Variants in SIX4 observed in about 807,000 individuals in gnomAD.
The protein encoded by SIX4 is SIX homeobox 4, also known as homeobox protein SIX4.
A neutral mutation model predicts 51.5 loss-of-function variants in SIX4; 23 were observed. That is an observed-to-expected ratio of 0.45 (90% CI 0.32 to 0.63). SIX4 has a LOEUF of 0.63. Among genes scored for constraint, SIX4 ranks in the 30% least tolerant of loss-of-function variants. SIX4 has a pLI of 0.04. For missense variants in SIX4, 867 were observed against 984.0 expected, an observed-to-expected ratio of 0.88 and a Z score of 1.59; for synonymous variants, 413 against 417.3, an observed-to-expected ratio of 0.99 and a Z score of 0.13.
Position 60,723,195 on chromosome 14 carries a change from G to A in SIX4, c.863+17C>T. ...TGGGGGAGAGGAAGGGGGAGGAGGA[G>A]GAAAGTTGGCGCTCACCTTTTGGAC... On this transcript the variant is annotated intron_variant, in intron 1 of 2. Transcript: ENST00000216513. 1 of 1,588,860 alleles carries A rather than the reference G, an allele frequency of 6.3e-7. No individual in the cohort carries two copies. Among genetic ancestry groups the A allele is most frequent in the Non-Finnish European group, 8.6e-7 (1 of 1,168,482 alleles).
rs1322388290 is a variant in SIX4 at position 60,710,239 on chromosome 14, T to C, written c.*3168A>G. The stretch of plus-strand genomic sequence containing the variant: ...AGAGAGATTTAAGGTCAGTGTGCAA[T>C]TTAACTATGGATTTTTACCTATGGC... On this transcript the variant is annotated 3_prime_UTR_variant, in exon 3 of 3. Transcript: ENST00000216513. The C allele has an allele frequency of 1.3e-5, 2 of 152,558 alleles. No homozygotes were observed. Among genetic ancestry groups the C allele is most frequent in the South Asian group, 4.1e-4 (2 of 4,828 alleles). The allele number at this position is 152,558 out of a possible 1,614,324, so 9.5% of individuals were successfully genotyped here. A position where few individuals can be genotyped will look rare whatever the true frequency, so the allele number is the denominator to read the frequency against.
chr14:60,714,747 C>T (rs1895890137), intron 2 of SIX4, among the ~76,000 whole-genome samples: 1 of 151,062 alleles, frequency 6.6e-6, no homozygotes, highest in African/African-American at 2.4e-5. Flanking sequence ...CTCATTGCAA[C>T]CTCTGCCTCC....
rs1470307300 is a variant in SIX4, at chr14:60,711,153, GTAAT to G, written c.*2250_*2253del. On this transcript the variant is annotated 3_prime_UTR_variant, in exon 3 of 3. Transcript: ENST00000216513. ...TATGTAAACTACACTGCAGAGCCATGTAATTAATCTCAGTAACAGGATCAGCACA... is the reference window on the plus strand; with the variant it reads ...TATGTAAACTACACTGCAGAGCCATGTAATCTCAGTAACAGGATCAGCACA... 9.2e-5 allele frequency: 14 copies of G among 152,566 alleles called. No individual in the cohort carries two copies. Among genetic ancestry groups the G allele is most frequent in the Admixed American group, 2.0e-4 (3 of 15,270 alleles). 9.5% of individuals were successfully genotyped at this position (152,566 alleles called of 1,614,324 possible).
Position 60,723,493 on chromosome 14 carries a change from G to T in SIX4, c.582C>A (p.Ala194=), listed in dbSNP as rs1253713122. The part of the protein sequence containing the change: ...QLWYKARYTE[A]ERARGRPLGA... The stretch of plus-strand genomic sequence containing the variant: ...CCAGCGGCCGGCCGCGGGCTCGCTC[G>T]GCCTCGGTGTAGCGCGCCTTGTACC... The change falls in exon 1 of 3, where the codon GCC becomes GCA. Residue 194 remains alanine, a synonymous_variant. Transcript: ENST00000216513. 2 of 1,606,178 alleles carry T rather than the reference G, an allele frequency of 1.2e-6. No individual in the cohort carries two copies. The highest frequency in any genetic ancestry group is 1.7e-6 in the Non-Finnish European group (2 of 1,179,482).
Position 60,720,213 on chromosome 14 carries a change from C to T in SIX4, c.1096G>A (p.Gly366Arg), listed in dbSNP as rs1182385234. 20 of 1,614,106 alleles carry T rather than the reference C, an allele frequency of 1.2e-5. No individual in the cohort carries two copies. Among genetic ancestry groups the T allele is most frequent in the Non-Finnish European group, 1.7e-5 (20 of 1,180,054 alleles). The change falls in exon 2 of 3, where the codon GGA becomes AGA. Residue 366 changes from glycine (G) to arginine (R), a missense_variant. Gly to Arg is a moderately radical substitution (Grantham distance 125). Transcript: ENST00000216513. The surrounding 1 kb of genome is among the most constrained non-coding windows in gnomAD (Gnocchi z 5.5). ...PASTSPVFLN[G>R]NSFIQGPSGV... ...CTGGGTCCCTGAATAAAAGAATTTC[C>T]ATTAAGGAAGACAGGTGAAGTACTT...
intron 2 of SIX4, among the ~76,000 whole-genome samples, chr14:60,718,779 A>G (rs947134450): frequency 6.6e-6 from 1 of 152,230 alleles, no homozygotes; most frequent in African/African-American, 2.4e-5. Context: ...GACATAGACC[A>G]TAGTTGTGGT....
rs559052495 is a variant in SIX4 at position 60,719,705 on chromosome 14, C to T, written c.1549+55G>A. 70 of 1,544,822 alleles carry T rather than the reference C, an allele frequency of 4.5e-5. 1 individual carries two copies. In the South Asian group the frequency reaches 6.7e-4, roughly 15 times the overall value. On this transcript the variant is annotated intron_variant, in intron 2 of 2. Coordinates refer to ENST00000216513, the MANE Select transcript of SIX4 (RefSeq NM_017420.5). The surrounding 1 kb of genome is among the most constrained non-coding windows in gnomAD (Gnocchi z 4.9). Reference sequence around the variant, plus strand: ...TAGCTATCACCAAATGCGTCACTTACAGCAGCTGATGAACACATTTGCTGG... The same window carrying T: ...TAGCTATCACCAAATGCGTCACTTATAGCAGCTGATGAACACATTTGCTGG...
intron 2 of SIX4, among the ~76,000 whole-genome samples, chr14:60,715,976 C>T (rs542486793): frequency 1.2e-4 from 18 of 151,794 alleles, no homozygotes; most frequent in African/African-American, 3.9e-4. Context: ...AGGTGATTCT[C>T]CTGCCTCAAC....
In SIX4 at chr14:60,720,511, T is replaced by G; in HGVS notation, c.864-66A>C. On this transcript the variant is annotated intron_variant, in intron 1 of 2. Coordinates refer to ENST00000216513, the MANE Select transcript of SIX4 (RefSeq NM_017420.5). This position sits in a 1 kb window ranked among gnomAD's most constrained non-coding sequence, Gnocchi z 5.5. ...GGATGACATTCTACACAGTGCCACT[T>G]GTTTGGAAAACCAGCTTCTAAATCC... 6.8e-7 allele frequency: 1 copy of G among 1,477,602 alleles called. No homozygotes were observed. The highest frequency in any genetic ancestry group is 9.1e-7 in the Non-Finnish European group (1 of 1,095,288). 91.5% of individuals were successfully genotyped at this position (1,477,602 alleles called of 1,614,324 possible). A position where few individuals can be genotyped will look rare whatever the true frequency, so the allele number is the denominator to read the frequency against.
rs1301084847 is a variant in SIX4, at chr14:60,710,497, A to C, written c.*2910T>G. On this transcript the variant is annotated 3_prime_UTR_variant, in exon 3 of 3. Transcript: ENST00000216513. Reference sequence around the variant, plus strand: ...TGATAGAGTGCATAGATAGGCTTACACCAAAAATCCCACAGCCAGCAGCAT... The same window carrying C: ...TGATAGAGTGCATAGATAGGCTTACCCCAAAAATCCCACAGCCAGCAGCAT... 1 of 152,580 alleles carries C rather than the reference A, an allele frequency of 6.6e-6. No homozygotes were observed. Among genetic ancestry groups the C allele is most frequent in the Non-Finnish European group, 1.5e-5 (1 of 68,026 alleles). 9.5% of individuals were successfully genotyped at this position (152,580 alleles called of 1,614,324 possible).
At position 60,719,711 on chromosome 14, in the gene SIX4, C is replaced by G. The variant is rs763921345; in HGVS notation, c.1549+49G>C. On this transcript the variant is annotated intron_variant, in intron 2 of 2. Transcript: ENST00000216513. The surrounding 1 kb of genome is among the most constrained non-coding windows in gnomAD (Gnocchi z 4.9). ...TCACCAAATGCGTCACTTACAGCAG[C>G]TGATGAACACATTTGCTGGTGCATT... is the stretch of plus-strand genomic sequence containing the variant. 1.9e-6 allele frequency: 3 copies of G among 1,558,372 alleles called. No homozygotes were observed. Among genetic ancestry groups the G allele is most frequent in the African/African-American group, 2.7e-5 (2 of 73,736 alleles).
chr14:60,724,345 A>C lies in SIX4; in HGVS notation c.-271T>G. The C allele has an allele frequency of 6.3e-6, 9 of 1,426,276 alleles. No individual in the cohort carries two copies. The highest frequency in any genetic ancestry group is 6.2e-5 in the East Asian group (2 of 32,012). 88.4% of individuals were successfully genotyped at this position (1,426,276 alleles called of 1,614,324 possible). ...GTGACTCCTCCGGTTGCTGCATACT[A>C]TATGGCAGTGGCGGCCGGGCCGGCC... On this transcript the variant is annotated 5_prime_UTR_variant, in exon 1 of 3. Transcript: ENST00000216513.
rs1453914855 is a variant in SIX4 at position 60,720,950 on chromosome 14, CAGTT to C, written c.864-509_864-506del. 3 of 987,560 alleles carry C rather than the reference CAGTT, an allele frequency of 3.0e-6. No homozygotes were observed. In the African/African-American group the frequency reaches 5.2e-5, roughly 17 times the overall value. 61.2% of individuals were successfully genotyped at this position (987,560 alleles called of 1,614,324 possible). ...AAGTGCTCAGCTTTTCTTTTTTGGT[CAGTT>C]AGTTAACAAGAGATCGTTTTCTCAC... On this transcript the variant is annotated intron_variant, in intron 1 of 2. Coordinates refer to ENST00000216513, the MANE Select transcript of SIX4 (RefSeq NM_017420.5). The surrounding 1 kb of genome is among the most constrained non-coding windows in gnomAD (Gnocchi z 5.5).
In SIX4 at chr14:60,720,563, C is replaced by A; in HGVS notation, c.864-118G>T. On this transcript the variant is annotated intron_variant, in intron 1 of 2. Coordinates refer to ENST00000216513, the MANE Select transcript of SIX4 (RefSeq NM_017420.5). This position sits in a 1 kb window ranked among gnomAD's most constrained non-coding sequence, Gnocchi z 5.5. Reference sequence around the variant, plus strand: ...TTAAAGGCAGTATTTAAGGAAAGCACAGCAGGATATCTGCTAGTCCTATTT... The same window carrying A: ...TTAAAGGCAGTATTTAAGGAAAGCAAAGCAGGATATCTGCTAGTCCTATTT... 1.0e-6 allele frequency: 1 copy of A among 979,904 alleles called. No individual in the cohort carries two copies. The highest frequency in any genetic ancestry group is 1.5e-6 in the Non-Finnish European group (1 of 668,268). 60.7% of individuals were successfully genotyped at this position (979,904 alleles called of 1,614,324 possible). A position where few individuals can be genotyped will look rare whatever the true frequency, so the allele number is the denominator to read the frequency against.
In SIX4 at chr14:60,719,300, G is replaced by A. The variant is rs1391040641; in HGVS notation, c.1549+460C>T. 2.6e-5 allele frequency among the ~76,000 whole-genome samples: 4 copies of A among 152,196 alleles called. No homozygotes were observed. Among genetic ancestry groups the A allele is most frequent in the Non-Finnish European group, 4.4e-5 (3 of 68,004 alleles). On this transcript the variant is annotated intron_variant, in intron 2 of 2. Transcript: ENST00000216513. The surrounding 1 kb of genome is among the most constrained non-coding windows in gnomAD (Gnocchi z 4.9). ...AACAGGATTCAAACATAATTGATCC[G>A]GTCTTTTTAGCTTGTTCTTCTAAAA...
intron 2 of SIX4, among the ~76,000 whole-genome samples, chr14:60,715,374 A>C (rs1895904513): frequency 1.3e-5 from 2 of 152,234 alleles, no homozygotes; most frequent in African/African-American, 4.8e-5. Flanking sequence ...TTAACCATAT[A>C]AACCTGTATA....
At position 60,713,287 on chromosome 14, in the gene SIX4, G is replaced by T; in HGVS notation, c.*120C>A. 1 of 967,566 alleles carries T rather than the reference G, an allele frequency of 1.0e-6. No individual in the cohort carries two copies. Among genetic ancestry groups the T allele is most frequent in the South Asian group, 1.7e-5 (1 of 58,072 alleles). 59.9% of individuals were successfully genotyped at this position (967,566 alleles called of 1,614,324 possible). ...CATGCAGATCAATCTAAAGTCTCTT[G>T]TATGCATATACTTGCAAAACTAGAG... On this transcript the variant is annotated 3_prime_UTR_variant, in exon 3 of 3. Coordinates refer to ENST00000216513, the MANE Select transcript of SIX4 (RefSeq NM_017420.5).
In SIX4 at chr14:60,723,755, G is replaced by A. The variant is rs1348324689; in HGVS notation, c.320C>T (p.Ala107Val). Residue 107 changes from alanine to valine, a missense_variant, in exon 1 of 3, where the codon GCC (alanine) becomes GTC (valine). By Grantham distance (64) the Ala-to-Val change is moderately conservative. Coordinates refer to ENST00000216513, the MANE Select transcript of SIX4 (RefSeq NM_017420.5). ...AAAAAAQTPL[A>V]FSPDHVACVC... The stretch of plus-strand genomic sequence containing the variant: ...GCAGGCGACGTGGTCGGGCGAGAAG[G>A]CCAGCGGGGTCTGCGCGGCGGCGGC... The A allele has an allele frequency of 3.2e-6, 5 of 1,541,698 alleles. No individual in the cohort carries two copies. Among genetic ancestry groups the A allele is most frequent in the Non-Finnish European group, 4.4e-6 (5 of 1,147,440 alleles).
rs994994559 is a variant in SIX4 at position 60,710,350 on chromosome 14, A to G, written c.*3057T>C. ...AGTCTTTTCATTACTATAAATATAC[A>G]TGAGATATAAAGCAGTACAACACAG... On this transcript the variant is annotated 3_prime_UTR_variant, in exon 3 of 3. Coordinates refer to ENST00000216513, the MANE Select transcript of SIX4 (RefSeq NM_017420.5). 6.6e-6 allele frequency: 1 copy of G among 152,664 alleles called. No homozygotes were observed. Among genetic ancestry groups the G allele is most frequent in the South Asian group, 2.1e-4 (1 of 4,838 alleles). 9.5% of individuals were successfully genotyped at this position (152,664 alleles called of 1,614,324 possible). A position where few individuals can be genotyped will look rare whatever the true frequency, so the allele number is the denominator to read the frequency against.
Sources: gnomAD v4.1 joint callset for allele counts (sites outside exome capture counted in the v4.1 genomes callset) on GRCh38, gnomAD v4.1.1 for gene constraint, Gnocchi (gnomAD v3.1) non-coding constraint, MANE v1.5 for transcripts, NCBI Gene and HGNC (gene_info 2026-07-23, HGNC 2026-07-21) for gene names.